Variants in EPB41L4A observed in about 807,000 individuals in gnomAD.
The protein encoded by EPB41L4A is erythrocyte membrane protein band 4.1 like 4A, also known as band 4.1-like protein 4A.
A neutral mutation model predicts 108.6 loss-of-function variants in EPB41L4A; 100 were observed. The observed-to-expected ratio is 0.92, with a 90% CI of 0.78 to 1.09. The LOEUF (loss-of-function observed/expected upper bound fraction) is 1.09, where lower values mean the gene tolerates loss of function less well. Among genes scored for constraint, EPB41L4A ranks in the 50% least tolerant of loss-of-function variants. The pLI, the probability that EPB41L4A is intolerant of heterozygous loss-of-function variation, is 0.00. For missense variants in EPB41L4A, 1,030 were observed against 842.7 expected, an observed-to-expected ratio of 1.22 and a Z score of -2.75; for synonymous variants, 319 against 289.0, an observed-to-expected ratio of 1.10 and a Z score of -1.05.
chr5:112,281,907 C>T (rs1055147969), intron 2 of EPB41L4A, among the ~76,000 whole-genome samples: 1 of 152,070 alleles, frequency 6.6e-6, no homozygotes, highest in Admixed American at 6.5e-5. Flanking sequence ...CATATATAAG[C>T]TTCATTATTT....
chr5:112,334,983 C>G (rs1756825654), intron 1 of EPB41L4A, among the ~76,000 whole-genome samples: 1 of 152,176 alleles, frequency 6.6e-6, no homozygotes, highest in Non-Finnish European at 1.5e-5. Context: ...TCACAAAACA[C>G]TGGCCTATAC....
At chr5:112,179,925 C>T (rs1761060965) in intron 18 of EPB41L4A, among the ~76,000 whole-genome samples, 2 of 152,050 alleles carry the variant, frequency 1.3e-5, no homozygotes, top group Admixed American at 1.3e-4. Context: ...CTGCCCCCAA[C>T]CAAAAGCTTC....
intron 1 of EPB41L4A, among the ~76,000 whole-genome samples, chr5:112,390,471 T>C (rs10076627): frequency 0.14 from 21,451 of 152,092 alleles, 4,249 homozygotes; most frequent in African/African-American, 0.44. Context: ...GATCGAGCTG[T>C]GAGCTGACAG....
chr5:112,398,382 G>C (rs529809201), intron 1 of EPB41L4A, among the ~76,000 whole-genome samples: 3 of 151,698 alleles, frequency 2.0e-5, no homozygotes, highest in African/African-American at 7.2e-5. Context: ...AGAATGTGGG[G>C]TTTTTTTTGT....
At chr5:112,372,302 A>T (rs933576351) in intron 1 of EPB41L4A, among the ~76,000 whole-genome samples, 9 of 152,180 alleles carry the variant, frequency 5.9e-5, no homozygotes, top group African/African-American at 2.2e-4. Flanking sequence ...ATCAGATTTC[A>T]TGAAAACTCA....
chr5:112,205,056 G>T (rs1447081394), intron 14 of EPB41L4A, among the ~76,000 whole-genome samples: 1 of 152,130 alleles, frequency 6.6e-6, no homozygotes, highest in East Asian at 1.9e-4. Flanking sequence ...AGGTCTTCCA[G>T]CATAACTATT....
chr5:112,144,739 C>T (rs1326983440), intron 13 of EPB41L4A, among the ~76,000 whole-genome samples: 1 of 152,078 alleles, frequency 6.6e-6, no homozygotes, highest in Non-Finnish European at 1.5e-5. Context: ...CAATGACATC[C>T]CAGGTGATAG....
At chr5:112,377,282 T>C (rs113691251) in intron 1 of EPB41L4A, among the ~76,000 whole-genome samples, 2,323 of 151,780 alleles carry the variant, frequency 0.015, 56 homozygotes, top group African/African-American at 0.051. Flanking sequence ...ACCTTGAATA[T>C]ATCGATTATC....
At chr5:112,392,964 A>G (rs1761055556) in intron 1 of EPB41L4A, among the ~76,000 whole-genome samples, 1 of 152,228 alleles carries the variant, frequency 6.6e-6, no homozygotes, top group African/African-American at 2.4e-5. Context: ...CTACATGGAA[A>G]CTGAACAACC....
At chr5:112,327,051 G>T (rs191867783) in intron 1 of EPB41L4A, among the ~76,000 whole-genome samples, 34 of 152,238 alleles carry the variant, frequency 2.2e-4, no homozygotes, top group Non-Finnish European at 3.8e-4. Flanking sequence ...TCCCCACAAG[G>T]CAAGAGTAAT....
chr5:112,272,463 C>A (rs868048049), intron 4 of EPB41L4A, among the ~76,000 whole-genome samples: 1 of 151,360 alleles, frequency 6.6e-6, no homozygotes, highest in Non-Finnish European at 1.5e-5. Flanking sequence ...AAAAAGGAAA[C>A]AACCTGGATG....
In EPB41L4A at chr5:112,406,934, T is replaced by C. The variant is rs566179915; in HGVS notation, c.99+12007A>G. ...ACTTTCCATCATAACTGAAACCCAC[T>C]CTGTTGTAATTATGTCAGCTCTTCC... On this transcript the variant is annotated intron_variant, in intron 1 of 22. Transcript: ENST00000261486. Among the ~76,000 whole-genome samples the C allele has an allele frequency of 2.6e-5, 4 of 152,184 alleles. No homozygotes were observed. In the South Asian group the frequency reaches 6.2e-4, roughly 24 times the overall value.
At chr5:112,331,912 C>T (rs879722715) in intron 1 of EPB41L4A, among the ~76,000 whole-genome samples, 1 of 152,220 alleles carries the variant, frequency 6.6e-6, no homozygotes, top group Non-Finnish European at 1.5e-5. Flanking sequence ...AATCCCTGAC[C>T]TTTCACCCTG....
At chr5:112,146,133 T>C (rs1759246796) in intron 12 of EPB41L4A, 1 of 317,800 alleles carries the variant, frequency 3.1e-6, no homozygotes. Context: ...ACATTCACTA[T>C]TGTAGACCAA....
Position 112,266,246 on chromosome 5 carries a change from C to A in EPB41L4A, c.420G>T (p.Ala140=), listed in dbSNP as rs746775281. 3.7e-6 allele frequency: 6 copies of A among 1,607,580 alleles called. No homozygotes were observed. The South Asian group carries it at 6.7e-5, about 18-fold the overall frequency. The stretch of plus-strand genomic sequence containing the variant: ...AGTGGCACCTACACTGGATGGCATA[C>A]GCTCCCAGCTGAGCAGCAGTGTTGA... The part of the protein sequence containing the change: ...CPVNTAAQLG[A]YAIQSELGDY... Residue 140 remains alanine, a synonymous_variant, in exon 5 of 23, where the codon GCG becomes GCT. Coordinates refer to ENST00000261486, the MANE Select transcript of EPB41L4A (RefSeq NM_022140.5).
intron 17 of EPB41L4A, among the ~76,000 whole-genome samples, chr5:112,185,594 T>C (rs1415426824): frequency 6.6e-6 from 1 of 152,224 alleles, no homozygotes; most frequent in Admixed American, 6.5e-5. Flanking sequence ...ACTAAAGTTT[T>C]CATTTTTAAT....
At chr5:112,380,135 G>T (rs1048966098) in intron 1 of EPB41L4A, among the ~76,000 whole-genome samples, 2 of 152,138 alleles carry the variant, frequency 1.3e-5, no homozygotes, top group African/African-American at 4.8e-5. Context: ...AACAGCTGCA[G>T]GAGTGAGGGA....
At chr5:112,359,362 T>A (rs1248528911) in intron 1 of EPB41L4A, among the ~76,000 whole-genome samples, 1 of 152,176 alleles carries the variant, frequency 6.6e-6, no homozygotes, top group Non-Finnish European at 1.5e-5. Context: ...TGAGAGAAAC[T>A]GCCTAGCCAG....
At chr5:112,378,575 T>C (rs1310151349) in intron 1 of EPB41L4A, among the ~76,000 whole-genome samples, 1 of 152,138 alleles carries the variant, frequency 6.6e-6, no homozygotes, top group Non-Finnish European at 1.5e-5. Flanking sequence ...AGAGAAGACA[T>C]CACACAATCA....
Sources: allele counts gnomAD v4.1 joint callset (sites outside exome capture counted in the v4.1 genomes callset), GRCh38; gene constraint gnomAD v4.1.1; transcripts MANE v1.5; gene names NCBI Gene and HGNC (gene_info 2026-07-23, HGNC 2026-07-21).